Variants in RYR3 observed in about 807,000 individuals in gnomAD.
RYR3 encodes ryanodine receptor 3.
In RYR3, 207 loss-of-function variants were observed where a neutral mutation model predicts 584.3. That is an observed-to-expected ratio of 0.35 (90% CI 0.32 to 0.40). The LOEUF is 0.40. RYR3 is among the 10% of genes least tolerant of loss of function. RYR3 has a pLI of 1.00. For synonymous variants in RYR3, 2,416 were observed against 2,248.5 expected, an observed-to-expected ratio of 1.07 and a Z score of -2.11; for missense variants, 5,616 against 6,089.2, an observed-to-expected ratio of 0.92 and a Z score of 2.59.
chr15:33,486,201 A>G (rs573976140), intron 2 of RYR3, among the ~76,000 whole-genome samples: 3 of 152,228 alleles, frequency 2.0e-5, no homozygotes, highest in Non-Finnish European at 4.4e-5. Context: ...TAGATGGCTG[A>G]AAACAACAAA....
chr15:33,547,984 C>T (rs1353371029), intron 8 of RYR3, 146 bp from the exon 9 acceptor site: 3 of 638,812 alleles, frequency 4.7e-6, no homozygotes, highest in Non-Finnish European at 8.4e-6. Context: ...AAACTGTCTT[C>T]CCTCTTATTC....
intron 2 of RYR3, among the ~76,000 whole-genome samples, chr15:33,491,445 G>C (rs762663645): frequency 6.6e-5 from 10 of 152,126 alleles, no homozygotes; most frequent in Non-Finnish European, 1.2e-4. Context: ...TATCTTCATG[G>C]GGTCTGACAG....
chr15:33,745,978 C>A, intron 52 of RYR3, 90 bp from the exon 53 acceptor site: 2 of 860,254 alleles, frequency 2.3e-6, no homozygotes, highest in Non-Finnish European at 3.9e-6. Flanking sequence ...CATTACTCCA[C>A]TTGCTCCATG....
At chr15:33,685,095 A>G (rs2064895112) in intron 38 of RYR3, among the ~76,000 whole-genome samples, 1 of 152,230 alleles carries the variant, frequency 6.6e-6, no homozygotes, top group Non-Finnish European at 1.5e-5. Context: ...ACACATGACA[A>G]TATTAACTTT....
chr15:33,670,377 A>G (rs1187733573), intron 37 of RYR3, 42 bp from the exon 38 acceptor site: 2 of 1,604,616 alleles, frequency 1.2e-6, no homozygotes, highest in African/African-American at 1.3e-5. Context: ...TGATGGTTTC[A>G]TGCACTGCTT....
chr15:33,748,037 A>G, intron 53 of RYR3, 77 bp from the exon 54 acceptor site: 1 of 1,409,696 alleles, frequency 7.1e-7, no homozygotes, highest in Non-Finnish European at 1.0e-6. Context: ...AGTGGGATGC[A>G]CCTTCCATGC....
chr15:33,642,779 A>G (rs563353967), intron 27 of RYR3, among the ~76,000 whole-genome samples: 8 of 152,338 alleles, frequency 5.3e-5, no homozygotes, highest in Middle Eastern at 6.8e-3. Flanking sequence ...GTGCTTGTCC[A>G]AGGGACCAGT....
intron 4 of RYR3, among the ~76,000 whole-genome samples, chr15:33,532,875 G>T (rs2141070729): frequency 6.6e-6 from 1 of 152,278 alleles, no homozygotes; most frequent in African/African-American, 2.4e-5. Flanking sequence ...CCAACACTTT[G>T]GGAGGCCAGG....
At chr15:33,616,354 CTG>C (rs943748121) in intron 19 of RYR3, among the ~76,000 whole-genome samples, 6 of 152,102 alleles carry the variant, frequency 3.9e-5, no homozygotes, top group African/African-American at 1.4e-4. Flanking sequence ...ATCTTTGTGT[CTG>C]TGATTTTTTA....
chr15:33,578,218 A>G (rs562921284), intron 12 of RYR3, among the ~76,000 whole-genome samples: 2 of 152,328 alleles, frequency 1.3e-5, no homozygotes, highest in African/African-American at 4.8e-5. Context: ...AAATACCTAG[A>G]GCCAGAAATA....
At chr15:33,593,139 C>G (rs932844036) in intron 16 of RYR3, among the ~76,000 whole-genome samples, 2 of 152,232 alleles carry the variant, frequency 1.3e-5, no homozygotes, top group African/African-American at 4.8e-5. Flanking sequence ...GCATCTATCT[C>G]AGTGAGCAGA....
intron 1 of RYR3, among the ~76,000 whole-genome samples, chr15:33,367,223 T>C (rs888650999): frequency 1.3e-5 from 2 of 152,222 alleles, no homozygotes; most frequent in African/African-American, 4.8e-5. Context: ...TCACATTGCA[T>C]TTCTGAAAAA....
intron 15 of RYR3, 89 bp downstream of exon 15, chr15:33,584,579 C>T (rs2058750713): frequency 1.6e-6 from 1 of 629,168 alleles, no homozygotes; most frequent in Non-Finnish European, 2.8e-6. Flanking sequence ...GAATCTTTTC[C>T]AATGGATTGC....
intron 2 of RYR3, among the ~76,000 whole-genome samples, chr15:33,481,011 C>CATG (rs1318895528): frequency 1.3e-5 from 2 of 152,144 alleles, no homozygotes; most frequent in African/African-American, 4.8e-5. Flanking sequence ...TTATTAGGTG[C>CATG]ATGTGTATTC....
intron 19 of RYR3, among the ~76,000 whole-genome samples, chr15:33,615,035 A>G (rs553797509): frequency 1.3e-5 from 2 of 152,262 alleles, no homozygotes; most frequent in South Asian, 4.1e-4. Flanking sequence ...TAACCACGTT[A>G]TTCATTTTAA....
chr15:33,506,485 A>T (rs972584281), intron 3 of RYR3, among the ~76,000 whole-genome samples: 1 of 152,098 alleles, frequency 6.6e-6, no homozygotes, highest in Non-Finnish European at 1.5e-5. Flanking sequence ...CTTTTGTTCT[A>T]TTTTTGCCAA....
chr15:33,848,778 T>C lies in RYR3; in HGVS notation c.13628+357T>C, dbSNP rs148669484. ...AAGTTGATCAGCTTCAGCTTTTCCATAGCCTTCCATGGCACAGCACTGCTA... is the reference window on the plus strand; with the variant it reads ...AAGTTGATCAGCTTCAGCTTTTCCACAGCCTTCCATGGCACAGCACTGCTA... On this transcript the variant is annotated intron_variant, in intron 94 of 103. Transcript: ENST00000634891. Among the ~76,000 whole-genome samples the C allele has an allele frequency of 4.6e-3, 686 of 150,534 alleles. 3 individuals are homozygous for C. The highest frequency in any genetic ancestry group is 0.016 in the African/African-American group (652 of 41,022).
At chr15:33,794,715 G>A (rs1267751683) in intron 67 of RYR3, among the ~76,000 whole-genome samples, 2 of 151,952 alleles carry the variant, frequency 1.3e-5, no homozygotes, top group East Asian at 3.9e-4. Context: ...AGAGCATTAC[G>A]GTCATATGAG....
At chr15:33,485,458 A>G (rs2050330517) in intron 2 of RYR3, among the ~76,000 whole-genome samples, 4 of 152,164 alleles carry the variant, frequency 2.6e-5, no homozygotes, top group Admixed American at 1.3e-4. Context: ...AGGAGAGGGA[A>G]GAGGTGGTCA....
Sources: gnomAD v4.1 joint callset for allele counts (sites outside exome capture counted in the v4.1 genomes callset) on GRCh38, gnomAD v4.1.1 for gene constraint, MANE v1.5 for transcripts, NCBI Gene and HGNC (gene_info 2026-07-23, HGNC 2026-07-21) for gene names.